TTC7B: variants seen among roughly 807,000 people sequenced by gnomAD.
TTC7B encodes tetratricopeptide repeat domain 7B, also known as tetratricopeptide repeat protein 7B.
A neutral mutation model predicts 106.8 loss-of-function variants in TTC7B; 28 were observed. That is an observed-to-expected ratio of 0.26 (90% CI 0.19 to 0.36). The LOEUF (loss-of-function observed/expected upper bound fraction) is 0.36. Ranked by LOEUF, TTC7B falls within the 10% of genes least tolerant of loss-of-function variation. The pLI, the probability that TTC7B is intolerant of heterozygous loss-of-function variation, is 1.00. For missense variants in TTC7B, 862 were observed against 1,076.4 expected, an observed-to-expected ratio of 0.80 and a Z score of 2.79; for synonymous variants, 405 against 430.6, an observed-to-expected ratio of 0.94 and a Z score of 0.74.
intron 7 of TTC7B, 56 bp from the exon 8 acceptor site, chr14:90,680,591 C>T (rs1348395604): frequency 7.6e-7 from 1 of 1,310,876 alleles, no homozygotes; most frequent in African/African-American, 1.5e-5. Context: ...TATACAAATA[C>T]AAGCAGAACT....
chr14:90,764,101 T>A (rs1402471815), intron 3 of TTC7B, among the ~76,000 whole-genome samples: 1 of 150,742 alleles, frequency 6.6e-6, no homozygotes, highest in South Asian at 2.1e-4. Context: ...GGTACTGGCA[T>A]AAGCACAGAC....
chr14:90,552,795 T>G (rs766041108), intron 19 of TTC7B, among the ~76,000 whole-genome samples: 3 of 152,216 alleles, frequency 2.0e-5, no homozygotes, highest in Non-Finnish European at 4.4e-5. Context: ...CCCTTGGGCC[T>G]GGGGTCGAAC....
At chr14:90,549,324 G>A (rs1406182225) in intron 19 of TTC7B, among the ~76,000 whole-genome samples, 1 of 152,122 alleles carries the variant, frequency 6.6e-6, no homozygotes. Context: ...TGAGCTGCTG[G>A]GGCCACCTGA....
chr14:90,622,335 C>A (rs1265772826), intron 15 of TTC7B, among the ~76,000 whole-genome samples: 2 of 151,716 alleles, frequency 1.3e-5, no homozygotes, highest in Non-Finnish European at 2.9e-5. Context: ...GGCAGGCTGG[C>A]CTTGAACTCC....
At chr14:90,671,232 TTAAA>T (rs1566828829) in intron 9 of TTC7B, among the ~76,000 whole-genome samples, 3 of 152,228 alleles carry the variant, frequency 2.0e-5, no homozygotes, top group African/African-American at 7.2e-5. Context: ...TGCTCCCTGA[TTAAA>T]TAAGCATTTA....
At position 90,665,762 on chromosome 14, in the gene TTC7B, A is replaced by G. The variant is rs1595261569; in HGVS notation, c.1153-7375T>C. 2.0e-5 allele frequency among the ~76,000 whole-genome samples: 3 copies of G among 152,226 alleles called. No homozygotes were observed. In the East Asian group the frequency reaches 5.8e-4, roughly 29 times the overall value. ...TTTACCTCATAGACAGGTCAGCCATATCCTAAAAGTTCTTATGACATAGAT... is the reference window on the plus strand; with the variant it reads ...TTTACCTCATAGACAGGTCAGCCATGTCCTAAAAGTTCTTATGACATAGAT... On this transcript the variant is annotated intron_variant, in intron 9 of 19. Transcript: ENST00000328459.
chr14:90,647,646 C>T (rs193241272), intron 13 of TTC7B, among the ~76,000 whole-genome samples: 2 of 152,282 alleles, frequency 1.3e-5, no homozygotes, highest in East Asian at 3.9e-4. Flanking sequence ...ACACTAGGCT[C>T]AGTTTTAAGA....
chr14:90,555,564 G>A (rs1013189955), intron 19 of TTC7B, among the ~76,000 whole-genome samples: 1 of 152,196 alleles, frequency 6.6e-6, no homozygotes, highest in African/African-American at 2.4e-5. Flanking sequence ...GGGACAGCAC[G>A]GCTCCCTTCC....
intron 15 of TTC7B, among the ~76,000 whole-genome samples, chr14:90,638,443 A>G (rs1271394095): frequency 6.6e-6 from 1 of 152,244 alleles, no homozygotes; most frequent in Non-Finnish European, 1.5e-5. Flanking sequence ...CAACAAGTAC[A>G]TAGTAAATTT....
intron 15 of TTC7B, among the ~76,000 whole-genome samples, chr14:90,629,644 C>T (rs1240755463): frequency 6.6e-6 from 1 of 152,198 alleles, no homozygotes; most frequent in Admixed American, 6.5e-5. Context: ...GAGGACACTC[C>T]CATACTCTGA....
chr14:90,790,896 C>T (rs1891564796), intron 1 of TTC7B, among the ~76,000 whole-genome samples: 1 of 152,088 alleles, frequency 6.6e-6, no homozygotes, highest in Admixed American at 6.6e-5. Flanking sequence ...GCAAACCAGG[C>T]TGAAGGAACA....
In TTC7B at chr14:90,572,439, C is replaced by T. The variant is rs186751944; in HGVS notation, c.2310+5667G>A. ...TCTCCCAAACCTACCATCAATCTGC[C>T]GCACCTTCGGGTATTTCATAAGAAA... On this transcript the variant is annotated intron_variant, in intron 19 of 19. Transcript: ENST00000328459. Among the ~76,000 whole-genome samples, 54 of 152,310 alleles carry T rather than the reference C, an allele frequency of 3.5e-4. No individual in the cohort carries two copies. The East Asian group carries it at 9.3e-3, about 26-fold the overall frequency.
At position 90,646,981 on chromosome 14, in the gene TTC7B, G is replaced by T; in HGVS notation, c.1560C>A (p.Tyr520Ter). 1 of 1,614,194 alleles carries T rather than the reference G, an allele frequency of 6.2e-7. No individual in the cohort carries two copies. Among genetic ancestry groups the T allele is most frequent in the Non-Finnish European group, 8.5e-7 (1 of 1,180,018 alleles). ...TGGAGATGGCAAGCTGCAGAGCCAG[G>T]TAGAAAGCTGCTTGGTGATCTGTGG... ...LSPTDHQAAF[Y>*]LALQLAISRQ... The change falls in exon 14 of 20, where the codon TAC becomes TAA. Residue 520 changes from tyrosine to a stop codon, truncating the protein, a stop_gained. Transcript: ENST00000328459. LOFTEE classifies it high-confidence loss of function.
Position 90,537,424 on chromosome 14 carries a change from C to T in TTC7B, c.*3944G>A, listed in dbSNP as rs1158849029. Reference sequence around the variant, plus strand: ...CAGGCTGGTCTTGAACTCCTGGCCTCAGCTGATTCTCCTGCCTCAGCCTCC... The same window carrying T: ...CAGGCTGGTCTTGAACTCCTGGCCTTAGCTGATTCTCCTGCCTCAGCCTCC... On this transcript the variant is annotated 3_prime_UTR_variant, in exon 20 of 20. Coordinates refer to ENST00000328459, the MANE Select transcript of TTC7B (RefSeq NM_001010854.2). 6.6e-6 allele frequency: 1 copy of T among 151,356 alleles called. No individual in the cohort carries two copies. Among genetic ancestry groups the T allele is most frequent in the African/African-American group, 2.4e-5 (1 of 40,908 alleles). The allele number at this position is 151,356 out of a possible 1,614,324, so 9.4% of individuals were successfully genotyped here.
intron 18 of TTC7B, chr14:90,585,669 T>TC (rs1225030003): frequency 6.6e-6 from 1 of 152,296 alleles, no homozygotes; most frequent in Non-Finnish European, 1.5e-5. Context: ...GCCTCCTCAG[T>TC]CCCTACGCAG....
At chr14:90,568,353 C>A (rs988617804) in intron 19 of TTC7B, among the ~76,000 whole-genome samples, 1 of 152,134 alleles carries the variant, frequency 6.6e-6, no homozygotes, top group South Asian at 2.1e-4. Context: ...ACTGAAATAA[C>A]GGGGCAGAAT....
At chr14:90,755,357 A>G (rs1423811738) in intron 3 of TTC7B, among the ~76,000 whole-genome samples, 1 of 152,234 alleles carries the variant, frequency 6.6e-6, no homozygotes, top group Non-Finnish European at 1.5e-5. Flanking sequence ...ATTAAGAGTG[A>G]CAATGCAGAG....
At chr14:90,815,901 C>A (rs1337182333) in intron 1 of TTC7B, among the ~76,000 whole-genome samples, 1 of 151,826 alleles carries the variant, frequency 6.6e-6, no homozygotes, top group Non-Finnish European at 1.5e-5. Flanking sequence ...GCTGAGACCC[C>A]CGGACACCCC....
chr14:90,681,132 A>C (rs1887032500), intron 7 of TTC7B, among the ~76,000 whole-genome samples: 1 of 152,218 alleles, frequency 6.6e-6, no homozygotes, highest in Non-Finnish European at 1.5e-5. Context: ...ATTAAAAGAA[A>C]GAGCTTTTTA....
Sources: allele counts gnomAD v4.1 joint callset (sites outside exome capture counted in the v4.1 genomes callset), GRCh38; gene constraint gnomAD v4.1.1; transcripts MANE v1.5; gene names NCBI Gene and HGNC (gene_info 2026-07-23, HGNC 2026-07-21).